The following ZDHHC21 variants were observed in gnomAD, a reference collection of about 807,000 sequenced individuals.
The protein encoded by ZDHHC21 is zDHHC palmitoyltransferase 21.
ZDHHC21 carries 15 observed loss-of-function variants against 34.6 expected under a neutral mutation model. The ratio of observed to expected loss-of-function variants is 0.43; its 90% confidence interval spans 0.29 to 0.67. The LOEUF is 0.67. Among genes scored for constraint, ZDHHC21 ranks in the 30% least tolerant of loss-of-function variants. ZDHHC21 has a pLI of 0.14. For missense variants in ZDHHC21, 344 were observed against 327.7 expected (o/e 1.05, Z -0.38); for synonymous variants, 142 against 101.8 (o/e 1.40, Z -2.38).
At chr9:14,624,616 T>C (rs1453429773) in intron 8 of ZDHHC21, among the ~76,000 whole-genome samples, 2 of 151,972 alleles carry the variant, frequency 1.3e-5, no homozygotes, top group Admixed American at 6.6e-5. Flanking sequence ...GAAGTATGAA[T>C]AGAACAGTAG....
At chr9:14,683,710 C>G (rs1437119306) in intron 2 of ZDHHC21, 1 of 152,228 alleles carries the variant, frequency 6.6e-6, no homozygotes, top group Non-Finnish European at 1.5e-5. Context: ...ATGAGGCCAG[C>G]ATCATCCTGA....
In ZDHHC21 at chr9:14,673,551, C is replaced by T. The variant is rs1835845012; in HGVS notation, c.155-623G>A. On this transcript the variant is annotated intron_variant, in intron 4 of 9. Coordinates refer to ENST00000380916, the MANE Select transcript of ZDHHC21 (RefSeq NM_178566.6). ...CGATAAAAAAAAAAAACATACTGTA[C>T]ATGTAAAGGGAATAGTCTGAGTGCT... Among the ~76,000 whole-genome samples the T allele has an allele frequency of 5.3e-5, 8 of 150,896 alleles. No individual in the cohort carries two copies. In the South Asian group the frequency reaches 1.7e-3, roughly 32 times the overall value.
intron 5 of ZDHHC21, among the ~76,000 whole-genome samples, chr9:14,672,540 G>C (rs1365155011): frequency 2.0e-5 from 3 of 151,946 alleles, no homozygotes; most frequent in African/African-American, 7.3e-5. Context: ...ACCCAGGAAG[G>C]ACAATCTATG....
At chr9:14,595,910 A>T in the ZDHHC21 span, among the ~76,000 whole-genome samples, 1 of 152,238 alleles carries the variant, frequency 6.6e-6, no homozygotes, top group Non-Finnish European at 1.5e-5. Flanking sequence ...CTAAAACTTG[A>T]AAAGTCCCAT....
the ZDHHC21 span, among the ~76,000 whole-genome samples, chr9:14,596,573 G>T: frequency 1.3e-5 from 2 of 152,130 alleles, no homozygotes; most frequent in African/African-American, 4.8e-5. Flanking sequence ...CCATCTCCTG[G>T]TCCTCCCTGC....
At chr9:14,597,427 A>C in the ZDHHC21 span, among the ~76,000 whole-genome samples, 1 of 152,144 alleles carries the variant, frequency 6.6e-6, no homozygotes, top group Non-Finnish European at 1.5e-5. Context: ...CTGCTCTGGC[A>C]CAAAGGGAGC....
chr9:14,661,432 T>C (rs535600289), intron 6 of ZDHHC21, among the ~76,000 whole-genome samples: 1 of 152,312 alleles, frequency 6.6e-6, no homozygotes, highest in South Asian at 2.1e-4. Flanking sequence ...CAAACATAAA[T>C]ACTACATATA....
intron 7 of ZDHHC21, among the ~76,000 whole-genome samples, chr9:14,653,361 G>C (rs796944173): frequency 3.9e-5 from 6 of 151,954 alleles, no homozygotes; most frequent in African/African-American, 1.2e-4. Context: ...GGTAATAATG[G>C]TGACTTTGGT....
chr9:14,619,181 A>T, intron 9 of ZDHHC21, 83 bp from the exon 10 acceptor site: 1 of 1,410,238 alleles, frequency 7.1e-7, no homozygotes, highest in Non-Finnish European at 9.5e-7. Context: ...TTGGCTGGGG[A>T]TCCATTACTG....
At chr9:14,593,151 T>C in the ZDHHC21 span, among the ~76,000 whole-genome samples, 2 of 151,942 alleles carry the variant, frequency 1.3e-5, no homozygotes, top group Admixed American at 6.6e-5. Context: ...TTAGAAATCA[T>C]AGCACAAACA....
At chr9:14,595,430 T>C in the ZDHHC21 span, among the ~76,000 whole-genome samples, 1 of 152,212 alleles carries the variant, frequency 6.6e-6, no homozygotes, top group Non-Finnish European at 1.5e-5. Flanking sequence ...TAATGTATGA[T>C]TCCATTTATA....
chr9:14,656,711 T>A (rs531911447), intron 7 of ZDHHC21, among the ~76,000 whole-genome samples: 1 of 152,104 alleles, frequency 6.6e-6, no homozygotes, highest in South Asian at 2.1e-4. Flanking sequence ...GAATTATTTA[T>A]AATGTACTGC....
At chr9:14,643,140 G>C (rs898940287) in intron 7 of ZDHHC21, among the ~76,000 whole-genome samples, 2 of 152,124 alleles carry the variant, frequency 1.3e-5, no homozygotes, top group African/African-American at 2.4e-5. Context: ...ACAGCTACTA[G>C]GCGGGGCTGA....
chr9:14,610,355 T>A (rs1017870834), downstream of ZDHHC21, among the ~76,000 whole-genome samples: 17 of 152,104 alleles, frequency 1.1e-4, no homozygotes, highest in Middle Eastern at 3.4e-3. Context: ...AGATTTATAA[T>A]CCTTAAAAGT....
At chr9:14,659,441 C>T (rs145740495) in intron 6 of ZDHHC21, among the ~76,000 whole-genome samples, 2,157 of 152,292 alleles carry the variant, frequency 0.014, 27 homozygotes, top group African/African-American at 0.033. Context: ...TAAATACACA[C>T]AGCTATACTT....
intron 8 of ZDHHC21, among the ~76,000 whole-genome samples, chr9:14,626,002 T>C (rs1429600751): frequency 6.6e-6 from 1 of 151,998 alleles, no homozygotes; most frequent in Non-Finnish European, 1.5e-5. Flanking sequence ...CCAGCAAGGA[T>C]GATTATATAC....
chr9:14,605,211 T>C, the ZDHHC21 span, among the ~76,000 whole-genome samples: 26 of 151,986 alleles, frequency 1.7e-4, no homozygotes, highest in African/African-American at 5.8e-4. Flanking sequence ...TTCATTTTTT[T>C]TTTTTTTAAT....
chr9:14,625,590 A>G (rs1421825094), intron 8 of ZDHHC21, among the ~76,000 whole-genome samples: 10 of 151,928 alleles, frequency 6.6e-5, no homozygotes, highest in Admixed American at 6.6e-4. Flanking sequence ...TTATGTCAAA[A>G]CCCCTTATAA....
At position 14,671,603 on chromosome 9, in the gene ZDHHC21, A is replaced by AT. The variant is rs201927943; in HGVS notation, c.253+1226dup. 3.5e-3 allele frequency among the ~76,000 whole-genome samples: 537 copies of AT among 151,948 alleles called. 5 individuals carry two copies. The highest frequency in any genetic ancestry group is 0.012 in the African/African-American group (501 of 41,482). ...GAGAGACTGCATCAAAACAGGACGC[A>AT]TTTTTTTTAACTTGAAAGAATTTCC... On this transcript the variant is annotated intron_variant, in intron 5 of 9. Transcript: ENST00000380916.
Sources: allele counts gnomAD v4.1 joint callset (sites outside exome capture counted in the v4.1 genomes callset), GRCh38; gene constraint gnomAD v4.1.1; transcripts MANE v1.5; gene names NCBI Gene and HGNC (gene_info 2026-07-23, HGNC 2026-07-21).